The following CACNA1S variants were observed in gnomAD, a reference collection of about 807,000 sequenced individuals.
CACNA1S encodes the protein voltage-dependent L-type calcium channel subunit alpha-1S.
Under a neutral mutation model 207.4 loss-of-function variants are expected in CACNA1S, and 126 were observed. The observed-to-expected ratio is 0.61, with a 90% CI of 0.53 to 0.70. The LOEUF (loss-of-function observed/expected upper bound fraction) is 0.70. Ranked by LOEUF, CACNA1S falls within the 30% of genes least tolerant of loss-of-function variation. CACNA1S has a pLI of 0.00. For missense variants in CACNA1S, 2,349 were observed against 2,422.8 expected (o/e 0.97, Z 0.64); for synonymous variants, 960 against 932.7 (o/e 1.03, Z -0.53).
At chr1:201,105,662 C>A (rs1662848544) in intron 2 of CACNA1S, among the ~76,000 whole-genome samples, 1 of 152,166 alleles carries the variant, frequency 6.6e-6, no homozygotes, top group African/African-American at 2.4e-5. Flanking sequence ...GGACTCCTTG[C>A]TCTCTCTGGG....
At chr1:201,057,528 A>G (rs1660890001) in intron 28 of CACNA1S, among the ~76,000 whole-genome samples, 1 of 152,242 alleles carries the variant, frequency 6.6e-6, no homozygotes, top group African/African-American at 2.4e-5. Flanking sequence ...GCTGTATCTC[A>G]GGCAGCAAGA....
At chr1:201,064,375 A>G (rs1661170660) in intron 22 of CACNA1S, among the ~76,000 whole-genome samples, 1 of 152,220 alleles carries the variant, frequency 6.6e-6, no homozygotes, top group Non-Finnish European at 1.5e-5. Flanking sequence ...CCTCCAGGAC[A>G]GGGACCAACA....
Position 201,089,474 on chromosome 1 carries a change from A to G in CACNA1S, c.695-11T>C, listed in dbSNP as rs373334835. 2.3e-5 allele frequency: 37 copies of G among 1,613,130 alleles called. No individual in the cohort carries two copies. The highest frequency in any genetic ancestry group is 2.9e-5 in the Non-Finnish European group (34 of 1,179,826). On this transcript the variant is annotated splice_polypyrimidine_tract_variant and intron_variant, in intron 5 of 43. Transcript: ENST00000362061. ...CCGTGGCCACGATATCTGGAGGCAG[A>G]AGGCAAAGGGAACATCAGACAACAG... is the stretch of plus-strand genomic sequence containing the variant.
chr1:201,099,445 G>A (rs1245128403), intron 2 of CACNA1S, among the ~76,000 whole-genome samples: 1 of 152,238 alleles, frequency 6.6e-6, no homozygotes, highest in African/African-American at 2.4e-5. Context: ...GCCACCACAT[G>A]ACTGCCTGTC....
chr1:201,092,153 G>A (rs1282059235), intron 3 of CACNA1S, 39 bp from the exon 4 acceptor site: 1 of 1,613,848 alleles, frequency 6.2e-7, no homozygotes, highest in East Asian at 2.2e-5. Context: ...TCCAGGGGTT[G>A]GAAAAGCCAC....
In CACNA1S at chr1:201,051,108, A is replaced by T. The variant is rs1660633793; in HGVS notation, c.3989T>A (p.Leu1330Gln). The part of the protein sequence containing the change: ...ATGEAWQEIL[L>Q]ACSYGKLCDP... The stretch of plus-strand genomic sequence containing the variant: ...ACACAGCTTCCCATAGCTGCAGGCC[A>T]GTAGGATCTCCTGCCAGGCCTCACC... The change falls in exon 33 of 44, where the codon CTG (leucine) becomes CAG (glutamine). Residue 1330 changes from leucine to glutamine, a missense_variant. Physicochemically the swap from Leu to Gln is moderately radical, Grantham distance 113. Transcript: ENST00000362061. The T allele has an allele frequency of 6.2e-7, 1 of 1,614,226 alleles. No homozygotes were observed.
Position 201,070,357 on chromosome 1 carries a change from G to A in CACNA1S, c.2275C>T (p.Arg759Cys), listed in dbSNP as rs777247285. The A allele has an allele frequency of 1.5e-5, 25 of 1,613,956 alleles. No individual in the cohort carries two copies. The highest frequency in any genetic ancestry group is 5.0e-5 in the Admixed American group (3 of 60,008). Residue 759 changes from arginine to cysteine, a missense_variant, in exon 17 of 44, where the codon CGT (arginine) becomes TGT (cysteine). Arg to Cys is a radical substitution (Grantham distance 180). Transcript: ENST00000362061. ...TTCAGCTGCAGCTCAGCCAGGGGAC[G>A]TGGTCGGGGGCTCAGCGGGATCTCA... The part of the protein sequence containing the change: ...EPEIPLSPRP[R>C]PLAELQLKEK...
At chr1:201,054,373 A>T in intron 29 of CACNA1S, 132 bp downstream of exon 29, 1 of 918,248 alleles carries the variant, frequency 1.1e-6, no homozygotes, top group Non-Finnish European at 1.8e-6. Flanking sequence ...GGTCCTCAGC[A>T]GGGCCTGCCC....
chr1:201,066,138 C>G lies in CACNA1S; in HGVS notation c.2745+91G>C, dbSNP rs540146034. ...GCCCAGGGAGATGGGACAGGGGTCC[C>G]AGCCATGGCTGGGCTGAGGTTTCTG... On this transcript the variant is annotated intron_variant, in intron 21 of 43. Coordinates refer to ENST00000362061, the MANE Select transcript of CACNA1S (RefSeq NM_000069.3). The surrounding 1 kb of genome is among the most constrained non-coding windows in gnomAD (Gnocchi z 4.3). 1.5e-6 allele frequency: 2 copies of G among 1,297,016 alleles called. No individual in the cohort carries two copies. Among genetic ancestry groups the G allele is most frequent in the East Asian group, 4.7e-5 (2 of 42,958 alleles). The allele number at this position is 1,297,016 out of a possible 1,614,324, so 80.3% of individuals were successfully genotyped here.
Position 201,112,383 on chromosome 1 carries a change from T to G in CACNA1S, c.-44A>C, listed in dbSNP as rs749267781. 6 of 1,612,836 alleles carry G rather than the reference T, an allele frequency of 3.7e-6. No homozygotes were observed. The Admixed American group carries it at 8.3e-5, about 22-fold the overall frequency. ...GCTTTCTCCTGCTCCCCCACCCCAG[T>G]GCTTTCCCTTCCCTGTGTCCCCAAT... On this transcript the variant is annotated 5_prime_UTR_variant, in exon 1 of 44. Coordinates refer to ENST00000362061, the MANE Select transcript of CACNA1S (RefSeq NM_000069.3).
intron 2 of CACNA1S, among the ~76,000 whole-genome samples, chr1:201,095,830 C>T (rs2102170451): frequency 6.6e-6 from 1 of 152,310 alleles, no homozygotes. Context: ...TGGCACCCTC[C>T]CTGGCAAGAG....
At chr1:201,105,722 A>G (rs896080757) in intron 2 of CACNA1S, among the ~76,000 whole-genome samples, 1 of 152,126 alleles carries the variant, frequency 6.6e-6, no homozygotes, top group Non-Finnish European at 1.5e-5. Flanking sequence ...TCCCACAGAC[A>G]CAGAGCAGGC....
chr1:201,093,678 C>T (rs752422064), intron 3 of CACNA1S, among the ~76,000 whole-genome samples: 2 of 152,140 alleles, frequency 1.3e-5, no homozygotes, highest in African/African-American at 2.4e-5. Context: ...ATTTGACCTG[C>T]GGGCAGGGTC....
chr1:201,095,734 A>G (rs879295544), intron 2 of CACNA1S, among the ~76,000 whole-genome samples: 5 of 152,242 alleles, frequency 3.3e-5, no homozygotes, highest in Admixed American at 2.0e-4. Flanking sequence ...ATTCTGTGAA[A>G]GGGCCTGTTG....
chr1:201,076,822 G>T, intron 12 of CACNA1S, 98 bp downstream of exon 12: 1 of 1,120,078 alleles, frequency 8.9e-7, no homozygotes, highest in Non-Finnish European at 1.4e-6. Context: ...GATCAGACAA[G>T]GCTTCCTGGA....
In CACNA1S at chr1:201,070,317, G is replaced by A; in HGVS notation, c.2315C>T (p.Pro772Leu). 1 of 1,614,118 alleles carries A rather than the reference G, an allele frequency of 6.2e-7. No homozygotes were observed. The part of the protein sequence containing the change: ...AELQLKEKAV[P>L]IPEASSFFIF... ...GAAGAAGGAGCTGGCTTCTGGAATG[G>A]GCACGGCCTTCTCTTTCAGCTGCAG... The change falls in exon 17 of 44, where the codon CCC (proline) becomes CTC (leucine). Residue 772 changes from proline (P) to leucine (L), a missense_variant. Transcript: ENST00000362061.
rs368214163 is a variant in CACNA1S at position 201,039,946 on chromosome 1, C to A, written c.5507G>T (p.Arg1836Leu). 1 of 1,614,072 alleles carries A rather than the reference C, an allele frequency of 6.2e-7. No individual in the cohort carries two copies. Among genetic ancestry groups the A allele is most frequent in the Non-Finnish European group, 8.5e-7 (1 of 1,180,062 alleles). The change falls in exon 44 of 44, where the codon CGA (arginine) becomes CTA (leucine). Residue 1836 changes from arginine (R) to leucine (L), a missense_variant. Coordinates refer to ENST00000362061, the MANE Select transcript of CACNA1S (RefSeq NM_000069.3). ...GCTGGCCATGCCCTCTGGGGCCTCT[C>A]GTCCTTTCAGTAGCTCTGTTGCCAT... ...EIMATELLKG[R>L]EAPEGMASSL... is the part of the protein sequence containing the mutation.
rs886045802 is a variant in CACNA1S at position 201,092,117 on chromosome 1, A to G, written c.399-3T>C. The G allele has an allele frequency of 6.2e-7, 1 of 1,614,060 alleles. No individual in the cohort carries two copies. Among genetic ancestry groups the G allele is most frequent in the Non-Finnish European group, 8.5e-7 (1 of 1,179,992 alleles). ...GTTCCAGAATCACGGTGAAGACCCT[A>G]GAATGGAGAAGAGGGAGAGAGGGGG... is the stretch of plus-strand genomic sequence containing the variant. On this transcript the variant is annotated splice_region_variant and splice_polypyrimidine_tract_variant and intron_variant, in intron 3 of 43. Coordinates refer to ENST00000362061, the MANE Select transcript of CACNA1S (RefSeq NM_000069.3).
intron 7 of CACNA1S, among the ~76,000 whole-genome samples, chr1:201,086,445 T>C (rs766496166): frequency 7.9e-5 from 12 of 152,240 alleles, no homozygotes; most frequent in Non-Finnish European, 1.8e-4. Flanking sequence ...ATCAAGAGCG[T>C]ACTTGCACAA....
Sources: allele counts gnomAD v4.1 joint callset (sites outside exome capture counted in the v4.1 genomes callset), GRCh38; gene constraint gnomAD v4.1.1; non-coding constraint Gnocchi (gnomAD v3.1); transcripts MANE v1.5; gene names NCBI Gene and HGNC (gene_info 2026-07-23, HGNC 2026-07-21).